DLGAP1: variants seen among roughly 807,000 people sequenced by gnomAD.
The protein encoded by DLGAP1 is DLG associated protein 1, also known as disks large-associated protein 1.
A neutral mutation model predicts 90.8 loss-of-function variants in DLGAP1; 11 were observed. The ratio of observed to expected loss-of-function variants is 0.12; its 90% CI spans 0.08 to 0.20. The LOEUF (loss-of-function observed/expected upper bound fraction) is 0.20. Among genes scored for constraint, DLGAP1 ranks in the 10% least tolerant of loss-of-function variants. The pLI, the probability that DLGAP1 is intolerant of heterozygous loss-of-function variation, is 1.00. For missense variants in DLGAP1, 1,050 were observed against 1,333.8 expected, an observed-to-expected ratio of 0.79 and a Z score of 3.31; for synonymous variants, 558 against 540.7, an observed-to-expected ratio of 1.03 and a Z score of -0.44.
chr18:4,163,902 G>T (rs2076889568), intron 1 of DLGAP1, among the ~76,000 whole-genome samples: 1 of 152,034 alleles, frequency 6.6e-6, no homozygotes, highest in Admixed American at 6.6e-5. Context: ...TCCACAAGAA[G>T]TGGTCCAGCC....
At chr18:3,637,229 G>A (rs933472184) in intron 7 of DLGAP1, among the ~76,000 whole-genome samples, 1 of 151,880 alleles carries the variant, frequency 6.6e-6, no homozygotes, top group Non-Finnish European at 1.5e-5. Flanking sequence ...AGCAAGAAAG[G>A]GGCAAAGGCT....
chr18:4,008,597 C>T (rs1010217513), intron 2 of DLGAP1, among the ~76,000 whole-genome samples: 2 of 152,134 alleles, frequency 1.3e-5, no homozygotes, highest in Non-Finnish European at 2.9e-5. Flanking sequence ...AATCATTTTT[C>T]ATGCCTAGCA....
intron 9 of DLGAP1, among the ~76,000 whole-genome samples, chr18:3,567,070 A>ATCATTCATTCATTCATTCATTCAT (rs57674058): frequency 1.3e-4 from 19 of 150,924 alleles, no homozygotes; most frequent in African/African-American, 4.4e-4. Flanking sequence ...TCATTCATTC[A>ATCATTCATTCATTCATTCATTCAT]TCATTCATTC....
chr18:4,347,846 T>C (rs73941447), intron 1 of DLGAP1, among the ~76,000 whole-genome samples: 1,591 of 152,146 alleles, frequency 0.01, 28 homozygotes, highest in African/African-American at 0.035. Context: ...GGTATTAGAA[T>C]TGGTAGAGAA....
chr18:3,772,218 C>T lies in DLGAP1; in HGVS notation c.1173-29706G>A, dbSNP rs75379260. ...TCTCTTCTTCTCTCCTTTTCTTTCT[C>T]TCTTTCTTTTCTTTCTCTCCTTCCT... On this transcript the variant is annotated intron_variant, in intron 5 of 12. Coordinates refer to ENST00000315677, the MANE Select transcript of DLGAP1 (RefSeq NM_004746.4). Among the ~76,000 whole-genome samples the T allele has an allele frequency of 2.6e-3, 163 of 63,824 alleles. No individual in the cohort carries two copies. In the South Asian group the frequency reaches 0.03, roughly 12 times the overall value. The allele number at this position is 63,824 out of a possible 152,430, so 41.9% of individuals were successfully genotyped here. A position where few individuals can be genotyped will look rare whatever the true frequency, so the allele number is the denominator to read the frequency against.
chr18:3,899,968 A>G (rs1476908114), intron 3 of DLGAP1, among the ~76,000 whole-genome samples: 1 of 152,210 alleles, frequency 6.6e-6, no homozygotes, highest in African/African-American at 2.4e-5. Flanking sequence ...GCTCTGCATC[A>G]TGGCATATAT....
intron 1 of DLGAP1, among the ~76,000 whole-genome samples, chr18:4,427,124 A>C (rs949248059): frequency 6.6e-6 from 1 of 152,228 alleles, no homozygotes; most frequent in East Asian, 1.9e-4. Context: ...TCTTGTAAAC[A>C]TAAGAACAAG....
At chr18:3,676,016 C>T (rs2060285077) in intron 7 of DLGAP1, among the ~76,000 whole-genome samples, 1 of 152,096 alleles carries the variant, frequency 6.6e-6, no homozygotes, top group Non-Finnish European at 1.5e-5. Flanking sequence ...AAAAGCAGCC[C>T]CAGACTATTT....
rs193082662 is a variant in DLGAP1 at position 4,048,405 on chromosome 18, C to T, written c.-158-43204G>A. ...CTTGTACCATATTGATTCTAAATTA[C>T]TTAGAGTTTTTCACAGCATGATCAA... is the stretch of plus-strand genomic sequence containing the variant. On this transcript the variant is annotated intron_variant, in intron 2 of 12. Coordinates refer to ENST00000315677, the MANE Select transcript of DLGAP1 (RefSeq NM_004746.4). 3.3e-3 allele frequency among the ~76,000 whole-genome samples: 506 copies of T among 152,250 alleles called. 3 individuals are homozygous for T. Among genetic ancestry groups the T allele is most frequent in the African/African-American group, 0.012 (494 of 41,554 alleles).
chr18:3,511,030 G>A (rs189524344), intron 10 of DLGAP1, among the ~76,000 whole-genome samples: 22 of 152,274 alleles, frequency 1.4e-4, no homozygotes, highest in African/African-American at 3.9e-4. Context: ...TCTCTTTCCC[G>A]GGCTTTTGCC....
chr18:3,778,879 C>A (rs1279715229), intron 5 of DLGAP1, among the ~76,000 whole-genome samples: 1 of 152,208 alleles, frequency 6.6e-6, no homozygotes, highest in Non-Finnish European at 1.5e-5. Flanking sequence ...GGTCCTCTCT[C>A]CTTGGCCCCA....
At chr18:4,292,002 C>A (rs1338357101) in intron 1 of DLGAP1, among the ~76,000 whole-genome samples, 1 of 152,162 alleles carries the variant, frequency 6.6e-6, no homozygotes, top group African/African-American at 2.4e-5. Context: ...TAGATTCTCA[C>A]ATACACACCG....
At chr18:4,012,402 G>T (rs940550377) in intron 2 of DLGAP1, among the ~76,000 whole-genome samples, 39 of 151,974 alleles carry the variant, frequency 2.6e-4, no homozygotes, top group Non-Finnish European at 4.4e-4. Context: ...GATTCCCCCA[G>T]CCACTGCAAA....
At chr18:3,561,968 T>C (rs1248179014) in intron 9 of DLGAP1, among the ~76,000 whole-genome samples, 2 of 150,522 alleles carry the variant, frequency 1.3e-5, no homozygotes, top group Admixed American at 6.6e-5. Flanking sequence ...GTGGCTCACG[T>C]CTGTAATCCC....
intron 1 of DLGAP1, among the ~76,000 whole-genome samples, chr18:4,312,990 TC>T (rs2080439037): frequency 6.6e-6 from 1 of 152,216 alleles, no homozygotes. Flanking sequence ...CCATATTGTG[TC>T]CTCATTTTAC....
chr18:3,641,565 G>C (rs1599682292), intron 7 of DLGAP1, among the ~76,000 whole-genome samples: 4 of 126,890 alleles, frequency 3.2e-5, no homozygotes, highest in African/African-American at 9.3e-5. Flanking sequence ...AAGAACATAA[G>C]ACAATGTACA....
intron 2 of DLGAP1, among the ~76,000 whole-genome samples, chr18:4,022,303 C>T (rs1312936598): frequency 3.3e-5 from 5 of 150,828 alleles, no homozygotes; most frequent in Non-Finnish European, 7.4e-5. Context: ...TCTCTATTAT[C>T]TTCTGTCTCT....
chr18:4,244,663 G>A (rs1173581266), intron 1 of DLGAP1, among the ~76,000 whole-genome samples: 1 of 152,096 alleles, frequency 6.6e-6, no homozygotes. Flanking sequence ...AAGAGACAAT[G>A]GATCAGTTAC....
chr18:4,264,480 T>G (rs1055621310), intron 1 of DLGAP1: 1 of 152,276 alleles, frequency 6.6e-6, no homozygotes, highest in Non-Finnish European at 1.5e-5. Flanking sequence ...AACTACTTCA[T>G]AAGACTCATT....
Sources: allele counts gnomAD v4.1 joint callset (sites outside exome capture counted in the v4.1 genomes callset), GRCh38; gene constraint gnomAD v4.1.1; transcripts MANE v1.5; gene names NCBI Gene and HGNC (gene_info 2026-07-23, HGNC 2026-07-21).